PRCP: variants seen among roughly 807,000 people sequenced by gnomAD.
PRCP encodes prolylcarboxypeptidase, also known as lysosomal Pro-X carboxypeptidase.
A neutral mutation model predicts 54.2 loss-of-function variants in PRCP; 46 were observed. The observed-to-expected ratio is 0.85, with a 90% CI of 0.67 to 1.09. PRCP has a LOEUF of 1.09. Ranked by LOEUF, PRCP falls within the 50% of genes least tolerant of loss-of-function variation. The pLI, the probability that PRCP is intolerant of heterozygous loss-of-function variation, is 0.00. For synonymous variants in PRCP, 240 were observed against 212.2 expected, an observed-to-expected ratio of 1.13 and a Z score of -1.14; for missense variants, 613 against 596.8, an observed-to-expected ratio of 1.03 and a Z score of -0.28.
chr11:82,859,741 C>A (rs1174997739), intron 2 of PRCP, among the ~76,000 whole-genome samples: 3 of 152,072 alleles, frequency 2.0e-5, no homozygotes, highest in Non-Finnish European at 4.4e-5. Context: ...ATTTGTAATT[C>A]TTTAAAGCTG....
chr11:82,879,321 A>G (rs1330641588), intron 1 of PRCP, among the ~76,000 whole-genome samples: 1 of 152,210 alleles, frequency 6.6e-6, no homozygotes, highest in African/African-American at 2.4e-5. Context: ...TGATTGAATC[A>G]GCTGCTGAAG....
At chr11:82,882,185 T>C (rs902391432) in intron 1 of PRCP, among the ~76,000 whole-genome samples, 3 of 151,300 alleles carry the variant, frequency 2.0e-5, no homozygotes, top group Non-Finnish European at 4.4e-5. Flanking sequence ...GCAGAAGAAG[T>C]GGAGGAGGTG....
chr11:82,887,269 C>T (rs1418099860), intron 1 of PRCP, among the ~76,000 whole-genome samples: 2 of 152,218 alleles, frequency 1.3e-5, no homozygotes, highest in Non-Finnish European at 2.9e-5. Context: ...TACATCACAC[C>T]TTTAATTACT....
At chr11:82,842,115 CAAGT>C (rs1369583183) in intron 6 of PRCP, among the ~76,000 whole-genome samples, 2 of 152,172 alleles carry the variant, frequency 1.3e-5, no homozygotes, top group East Asian at 3.8e-4. Context: ...AGAACAGTAG[CAAGT>C]GAGTGTGACT....
In PRCP at chr11:82,827,391, A is replaced by G. The variant is rs534721350; in HGVS notation, c.1275-2269T>C. On this transcript the variant is annotated intron_variant, in intron 8 of 8. Transcript: ENST00000313010. Reference sequence around the variant, plus strand: ...TTTCCTCTATGAGATTTATCATTTTAGCTCTTATATTTAAGCCTTTGACCT... The same window carrying G: ...TTTCCTCTATGAGATTTATCATTTTGGCTCTTATATTTAAGCCTTTGACCT... 45 of 152,306 alleles carry G rather than the reference A, an allele frequency of 3.0e-4. No homozygotes were observed. In the South Asian group the frequency reaches 8.9e-3, roughly 30 times the overall value. 9.4% of individuals were successfully genotyped at this position (152,306 alleles called of 1,614,324 possible). A position where few individuals can be genotyped will look rare whatever the true frequency, so the allele number is the denominator to read the frequency against.
chr11:82,896,601 C>T (rs1860124350), intron 1 of PRCP, among the ~76,000 whole-genome samples: 1 of 147,044 alleles, frequency 6.8e-6, no homozygotes, highest in African/African-American at 2.5e-5. Flanking sequence ...ATCACTTGAA[C>T]CCAGGAGGCA....
At chr11:82,825,693 A>T (rs1249447054) in intron 8 of PRCP, 3 of 152,554 alleles carry the variant, frequency 2.0e-5, no homozygotes, top group Non-Finnish European at 2.9e-5. Context: ...TATCTAATAT[A>T]GTACAGTACT....
chr11:82,866,302 C>A (rs1364045360), intron 1 of PRCP, among the ~76,000 whole-genome samples: 1 of 152,186 alleles, frequency 6.6e-6, no homozygotes, highest in African/African-American at 2.4e-5. Context: ...GTCCTCCCTT[C>A]CCACGAAGAT....
At chr11:82,900,045 G>T (rs963771819) in intron 1 of PRCP, 190 bp downstream of exon 1, 2 of 684,956 alleles carry the variant, frequency 2.9e-6, no homozygotes, top group African/African-American at 1.8e-5. Context: ...CCAAATTATT[G>T]GTAATGGGAG....
Position 82,849,954 on chromosome 11 carries a change from G to T in PRCP, c.711C>A (p.Ile237=). The change falls in exon 5 of 9, where the codon ATC becomes ATA. Residue 237 remains isoleucine, a synonymous_variant. Coordinates refer to ENST00000313010, the MANE Select transcript of PRCP (RefSeq NM_005040.4). ...RKSGPHCSES[I]HRSWDAINRL... is the part of the protein sequence containing the mutation. ...GATTAATGGCATCCCAGGACCTGTG[G>T]ATGCTCTCTGAACAATGTGGACCGC... 1 of 1,531,544 alleles carries T rather than the reference G, an allele frequency of 6.5e-7. No individual in the cohort carries two copies. The highest frequency in any genetic ancestry group is 8.8e-7 in the Non-Finnish European group (1 of 1,136,992). The allele number at this position is 1,531,544 out of a possible 1,614,324, so 94.9% of individuals were successfully genotyped here.
chr11:82,838,449 G>A lies in PRCP; in HGVS notation c.1212C>T (p.Pro404=), dbSNP rs1040965711. 2 of 1,613,916 alleles carry A rather than the reference G, an allele frequency of 1.2e-6. No homozygotes were observed. The highest frequency in any genetic ancestry group is 1.7e-6 in the Non-Finnish European group (2 of 1,179,952). ...CTCCATACATAGTAGTGATCCAGGAGGGCCTTGGTCTCACACCCCACTGTT... is the reference window on the plus strand; with the variant it reads ...CTCCATACATAGTAGTGATCCAGGAAGGCCTTGGTCTCACACCCCACTGTT... The part of the protein sequence containing the change: ...CFQQWGVRPR[P]SWITTMYGGK... Residue 404 remains proline (P), a synonymous_variant, in exon 8 of 9, where the codon CCC becomes CCT. Coordinates refer to ENST00000313010, the MANE Select transcript of PRCP (RefSeq NM_005040.4).
intron 1 of PRCP, among the ~76,000 whole-genome samples, chr11:82,897,256 A>C (rs1860139096): frequency 6.6e-6 from 1 of 152,226 alleles, no homozygotes. Flanking sequence ...AGGAGGAAAA[A>C]ATAATTAGTA....
chr11:82,888,446 G>A (rs917812454), intron 1 of PRCP, among the ~76,000 whole-genome samples: 5 of 152,236 alleles, frequency 3.3e-5, no homozygotes, highest in African/African-American at 7.2e-5. Context: ...ATGAAAAACC[G>A]AAATCATAAA....
chr11:82,865,915 G>A (rs2121194303), intron 1 of PRCP, among the ~76,000 whole-genome samples: 1 of 152,234 alleles, frequency 6.6e-6, no homozygotes, highest in African/African-American at 2.4e-5. Flanking sequence ...TGGAAGGAAG[G>A]TGGAGTTTAG....
intron 1 of PRCP, among the ~76,000 whole-genome samples, chr11:82,887,411 A>T (rs1453574443): frequency 6.6e-6 from 1 of 152,210 alleles, no homozygotes; most frequent in East Asian, 1.9e-4. Context: ...TGAATGTATG[A>T]CTGTGCTGTT....
At chr11:82,888,303 C>T (rs979589533) in intron 1 of PRCP, among the ~76,000 whole-genome samples, 3 of 152,202 alleles carry the variant, frequency 2.0e-5, no homozygotes, top group African/African-American at 7.2e-5. Context: ...GGAAAGACAG[C>T]ATCATGGGCT....
chr11:82,851,408 G>A (rs150946243), intron 3 of PRCP, among the ~76,000 whole-genome samples: 34 of 150,032 alleles, frequency 2.3e-4, no homozygotes, highest in South Asian at 1.3e-3. Flanking sequence ...AGGGAAATTA[G>A]CTGCCTTGTA....
chr11:82,886,831 G>A (rs1223945959), intron 1 of PRCP, among the ~76,000 whole-genome samples: 2 of 152,156 alleles, frequency 1.3e-5, no homozygotes, highest in African/African-American at 4.8e-5. Flanking sequence ...ATCACAAGAT[G>A]AATACAAAAC....
chr11:82,834,103 G>A (rs7928026), intron 8 of PRCP, among the ~76,000 whole-genome samples: 31,215 of 152,152 alleles, frequency 0.21, 3,919 homozygotes, highest in Admixed American at 0.34. Context: ...CCATGTAAGG[G>A]TGCTGCCTTA....
Sources: gnomAD v4.1 joint callset for allele counts (sites outside exome capture counted in the v4.1 genomes callset) on GRCh38, gnomAD v4.1.1 for gene constraint, MANE v1.5 for transcripts, NCBI Gene and HGNC (gene_info 2026-07-23, HGNC 2026-07-21) for gene names.